AFG1L: variants seen among roughly 807,000 people sequenced by gnomAD.
The protein encoded by AFG1L is AFG1 like ATPase, also known as AFG1-like ATPase.
In AFG1L, 53 loss-of-function variants were observed where a neutral mutation model predicts 62.2. That is an observed-to-expected ratio of 0.85 (90% CI 0.68 to 1.07). The LOEUF (loss-of-function observed/expected upper bound fraction) is 1.07, where lower values mean the gene tolerates loss of function less well. Ranked by LOEUF, AFG1L falls within the 50% of genes least tolerant of loss-of-function variation. AFG1L has a pLI of 0.00. For synonymous variants in AFG1L, 228 were observed against 210.3 expected, an observed-to-expected ratio of 1.08 and a Z score of -0.73; for missense variants, 555 against 590.5, an observed-to-expected ratio of 0.94 and a Z score of 0.62.
intron 8 of AFG1L, among the ~76,000 whole-genome samples, chr6:108,474,238 A>G (rs1036786998): frequency 6.6e-6 from 1 of 152,174 alleles, no homozygotes; most frequent in Non-Finnish European, 1.5e-5. Flanking sequence ...GCTGCAGAGT[A>G]TTCCATATAG....
chr6:108,331,808 C>T (rs979864745), intron 2 of AFG1L, among the ~76,000 whole-genome samples: 1 of 152,120 alleles, frequency 6.6e-6, no homozygotes, highest in Non-Finnish European at 1.5e-5. Context: ...CTCTGAAAAT[C>T]TCTATTTCCA....
intron 7 of AFG1L, among the ~76,000 whole-genome samples, chr6:108,440,896 ATAAAT>A (rs1455428175): frequency 6.6e-6 from 1 of 152,214 alleles, no homozygotes; most frequent in African/African-American, 2.4e-5. Flanking sequence ...AATTTATAAA[ATAAAT>A]TAGTTGACTG....
intron 2 of AFG1L, among the ~76,000 whole-genome samples, chr6:108,345,623 C>T (rs1778836275): frequency 6.6e-6 from 1 of 152,026 alleles, no homozygotes; most frequent in African/African-American, 2.4e-5. Context: ...AGATGTGAGC[C>T]ACCATGCCTG....
chr6:108,319,598 T>A, intron 1 of AFG1L: 1 of 170,132 alleles, frequency 5.9e-6, no homozygotes, highest in South Asian at 1.1e-4. Flanking sequence ...TTTATTTATC[T>A]TATTTTTATT....
chr6:108,490,556 G>A (rs1773736116), intron 10 of AFG1L, among the ~76,000 whole-genome samples: 1 of 152,076 alleles, frequency 6.6e-6, no homozygotes, highest in African/African-American at 2.4e-5. Context: ...ATTTACATGG[G>A]AATATAAAAA....
At chr6:108,440,376 G>T (rs1582590235) in intron 7 of AFG1L, among the ~76,000 whole-genome samples, 1 of 151,628 alleles carries the variant, frequency 6.6e-6, no homozygotes, top group Admixed American at 6.6e-5. Context: ...AACATGTTGG[G>T]CAGGCTGGTC....
At chr6:108,364,759 A>G (rs1361441212) in intron 5 of AFG1L, among the ~76,000 whole-genome samples, 3 of 152,022 alleles carry the variant, frequency 2.0e-5, no homozygotes, top group Admixed American at 6.6e-5. Flanking sequence ...CAAATTAAAT[A>G]ATATCAGCAC....
intron 10 of AFG1L, among the ~76,000 whole-genome samples, chr6:108,504,559 A>G (rs1582676141): frequency 6.6e-6 from 1 of 152,230 alleles, no homozygotes; most frequent in Admixed American, 6.5e-5. Context: ...AATAGTAATG[A>G]AAAAGTGTGA....
chr6:108,480,617 GCAAAAC>G (rs1773290075), intron 10 of AFG1L, among the ~76,000 whole-genome samples: 11 of 152,182 alleles, frequency 7.2e-5, no homozygotes, highest in African/African-American at 2.7e-4. Context: ...GGACAACATG[GCAAAAC>G]CCCGTCTCTA....
At chr6:108,361,879 C>A (rs1315733048) in intron 5 of AFG1L, among the ~76,000 whole-genome samples, 6 of 152,178 alleles carry the variant, frequency 3.9e-5, no homozygotes, top group Non-Finnish European at 7.3e-5. Context: ...CACCTTTTAA[C>A]ATATTATATG....
chr6:108,428,584 C>A (rs1448194155), intron 7 of AFG1L, among the ~76,000 whole-genome samples: 1 of 152,144 alleles, frequency 6.6e-6, no homozygotes, highest in Non-Finnish European at 1.5e-5. Context: ...ATAAGAGTTT[C>A]CTTTTTACCA....
At chr6:108,478,989 A>G (rs1355800089) in intron 10 of AFG1L, among the ~76,000 whole-genome samples, 1 of 152,216 alleles carries the variant, frequency 6.6e-6, no homozygotes, top group Non-Finnish European at 1.5e-5. Context: ...TTGACAAAAA[A>G]TATGGATTAT....
At chr6:108,388,864 G>A (rs887896065) in intron 6 of AFG1L, among the ~76,000 whole-genome samples, 8 of 152,258 alleles carry the variant, frequency 5.3e-5, no homozygotes, top group Admixed American at 2.0e-4. Flanking sequence ...TTGATTTGGG[G>A]TGGAAAGTTC....
chr6:108,444,772 G>A (rs543256684), intron 7 of AFG1L, among the ~76,000 whole-genome samples: 70 of 152,320 alleles, frequency 4.6e-4, no homozygotes, highest in Admixed American at 1.6e-3. Context: ...TGCCATCCAA[G>A]GGCTTTGTTA....
At chr6:108,362,506 A>G (rs1779586029) in intron 5 of AFG1L, among the ~76,000 whole-genome samples, 1 of 152,210 alleles carries the variant, frequency 6.6e-6, no homozygotes, top group African/African-American at 2.4e-5. Flanking sequence ...TACATTAATA[A>G]TACAGAATTA....
intron 8 of AFG1L, among the ~76,000 whole-genome samples, chr6:108,466,243 A>G (rs981395937): frequency 1.3e-5 from 2 of 152,164 alleles, no homozygotes; most frequent in African/African-American, 4.8e-5. Flanking sequence ...AAAACTGGCA[A>G]CATCTCCTAC....
chr6:108,441,388 C>T (rs1771539280), intron 7 of AFG1L, among the ~76,000 whole-genome samples: 1 of 152,136 alleles, frequency 6.6e-6, no homozygotes, highest in South Asian at 2.1e-4. Context: ...TCCTTTTCCT[C>T]TCCAAATTTT....
At chr6:108,403,715 CA>C (rs2114637428) in intron 7 of AFG1L, among the ~76,000 whole-genome samples, 1 of 149,300 alleles carries the variant, frequency 6.7e-6, no homozygotes, top group Admixed American at 6.6e-5. Flanking sequence ...GCATAAAATA[CA>C]CAAAATATAA....
chr6:108,416,519 C>T (rs551474951), intron 7 of AFG1L, among the ~76,000 whole-genome samples: 164 of 152,274 alleles, frequency 1.1e-3, no homozygotes, highest in Admixed American at 1.4e-3. Flanking sequence ...GACTTGGAAC[C>T]AACCCAAATG....
Sources: gnomAD v4.1 joint callset for allele counts (sites outside exome capture counted in the v4.1 genomes callset) on GRCh38, gnomAD v4.1.1 for gene constraint, MANE v1.5 for transcripts, NCBI Gene and HGNC (gene_info 2026-07-23, HGNC 2026-07-21) for gene names.